HPSE2: variants seen among roughly 807,000 people sequenced by gnomAD.
HPSE2 encodes the protein heparanase 2 (inactive).
In HPSE2, 38 loss-of-function variants were observed where a neutral mutation model predicts 60.5. The observed-to-expected ratio is 0.63, with a 90% CI of 0.48 to 0.82. HPSE2 has a LOEUF of 0.82. Ranked by LOEUF, HPSE2 falls within the 40% of genes least tolerant of loss-of-function variation. The pLI is 0.00. For missense variants in HPSE2, 713 were observed against 740.4 expected, an observed-to-expected ratio of 0.96 and a Z score of 0.43; for synonymous variants, 295 against 293.2, an observed-to-expected ratio of 1.01 and a Z score of -0.06.
intron 5 of HPSE2, among the ~76,000 whole-genome samples, chr10:98,713,335 T>G (rs1406590359): frequency 6.6e-6 from 1 of 152,038 alleles, no homozygotes; most frequent in African/African-American, 2.4e-5. Context: ...TAAATGATTC[T>G]TCTGGCAACT....
intron 2 of HPSE2, among the ~76,000 whole-genome samples, chr10:99,231,128 G>C (rs1849630873): frequency 6.6e-6 from 1 of 152,068 alleles, no homozygotes; most frequent in African/African-American, 2.4e-5. Context: ...CCTTAGCCTT[G>C]CCCTCTTTCT....
At chr10:98,823,425 C>T (rs897926478) in intron 3 of HPSE2, among the ~76,000 whole-genome samples, 1 of 152,112 alleles carries the variant, frequency 6.6e-6, no homozygotes, top group African/African-American at 2.4e-5. Flanking sequence ...TCAAGACCAG[C>T]CTGGGCAATA....
intron 3 of HPSE2, among the ~76,000 whole-genome samples, chr10:99,031,782 C>T (rs1453310961): frequency 2.0e-5 from 3 of 152,096 alleles, no homozygotes; most frequent in Admixed American, 6.5e-5. Context: ...TGTGAAAGTC[C>T]TCAACCACAT....
the HPSE2 span, among the ~76,000 whole-genome samples, chr10:99,262,076 G>A: frequency 6.6e-6 from 1 of 152,140 alleles, no homozygotes; most frequent in Non-Finnish European, 1.5e-5. Flanking sequence ...CACACTGCCC[G>A]ATCGCCTCGG....
chr10:98,962,286 A>G (rs1452613050), intron 3 of HPSE2, among the ~76,000 whole-genome samples: 22 of 130,172 alleles, frequency 1.7e-4, no homozygotes, highest in African/African-American at 6.3e-4. Context: ...GAAGAAAGTC[A>G]TTGGTAGCTT....
rs113099360 is a variant in HPSE2 at position 99,050,852 on chromosome 10, A to G, written c.610+93386T>C. On this transcript the variant is annotated intron_variant, in intron 3 of 11. Coordinates refer to ENST00000370552, the MANE Select transcript of HPSE2 (RefSeq NM_021828.5). ...TTACCAAAGGCTGCAGAGTAGGGAT[A>G]ATAAGGAGATGTTAGTCAAACGGTA... 1.8e-3 allele frequency among the ~76,000 whole-genome samples: 278 copies of G among 152,324 alleles called. 1 individual carries two copies. The highest frequency in any genetic ancestry group is 6.6e-3 in the African/African-American group (274 of 41,572).
chr10:98,560,791 G>A (rs1270915480), intron 9 of HPSE2, among the ~76,000 whole-genome samples: 8 of 152,162 alleles, frequency 5.3e-5, no homozygotes. Flanking sequence ...TGACATCATA[G>A]CCATTGTAAT....
chr10:98,803,142 T>G (rs923552926), intron 3 of HPSE2, among the ~76,000 whole-genome samples: 5 of 151,912 alleles, frequency 3.3e-5, no homozygotes, highest in Non-Finnish European at 7.3e-5. Flanking sequence ...TTTGTTCATG[T>G]CCTTTGCCCA....
At chr10:99,267,445 T>G in the HPSE2 span, among the ~76,000 whole-genome samples, 1 of 151,660 alleles carries the variant, frequency 6.6e-6, no homozygotes, top group Non-Finnish European at 1.5e-5. Flanking sequence ...GAAAAAAAAT[T>G]TTTTTTAAAT....
intron 2 of HPSE2, among the ~76,000 whole-genome samples, chr10:99,166,507 T>G (rs1351037116): frequency 1.3e-5 from 2 of 152,184 alleles, no homozygotes; most frequent in Non-Finnish European, 2.9e-5. Context: ...CTAATACAGT[T>G]ATAGGGGTAT....
rs548098888 is a variant in HPSE2, at chr10:98,917,147, T to C, written c.611-173091A>G. Among the ~76,000 whole-genome samples the C allele has an allele frequency of 8.5e-4, 130 of 152,300 alleles. 1 individual carries two copies. The highest frequency in any genetic ancestry group is 3.0e-3 in the African/African-American group (123 of 41,566). On this transcript the variant is annotated intron_variant, in intron 3 of 11. Coordinates refer to ENST00000370552, the MANE Select transcript of HPSE2 (RefSeq NM_021828.5). ...TCCATCCAAGACTATTTTATCATTG[T>C]CAACTTACATGCAGACCACCCTGAC...
rs1446130785 is a variant in HPSE2, at chr10:99,158,688, T to C, written c.449-14289A>G. Among the ~76,000 whole-genome samples the C allele has an allele frequency of 1.1e-4, 16 of 149,368 alleles. No homozygotes were observed. The East Asian group carries it at 2.2e-3, about 21-fold the overall frequency. On this transcript the variant is annotated intron_variant, in intron 2 of 11. Coordinates refer to ENST00000370552, the MANE Select transcript of HPSE2 (RefSeq NM_021828.5). ...GTGCAGCGCACCAGCATGGCACATGTATACATATGTAACTAACCTGCACAA... is the reference window on the plus strand; with the variant it reads ...GTGCAGCGCACCAGCATGGCACATGCATACATATGTAACTAACCTGCACAA...
At chr10:98,613,912 CGTAGCT>C (rs1392786452) in intron 9 of HPSE2, among the ~76,000 whole-genome samples, 1 of 152,166 alleles carries the variant, frequency 6.6e-6, no homozygotes, top group Non-Finnish European at 1.5e-5. Context: ...TTCTGATAAG[CGTAGCT>C]TTTCTGGTCC....
chr10:98,652,062 C>A (rs768718918), intron 6 of HPSE2, among the ~76,000 whole-genome samples: 1 of 152,034 alleles, frequency 6.6e-6, no homozygotes, highest in South Asian at 2.1e-4. Context: ...TGAGCCACCA[C>A]GCTCGGCCAG....
intron 3 of HPSE2, among the ~76,000 whole-genome samples, chr10:99,011,819 T>C (rs1957024280): frequency 6.6e-6 from 1 of 151,836 alleles, no homozygotes; most frequent in East Asian, 1.9e-4. Context: ...AGTTACTTCT[T>C]TGTACAAATA....
intron 3 of HPSE2, among the ~76,000 whole-genome samples, chr10:99,132,187 AAGAAAGAGAGAGAG>A (rs1845432579): frequency 3.3e-4 from 8 of 24,162 alleles, no homozygotes; most frequent in African/African-American, 6.1e-4. Context: ...GAAAGAAAGA[AAGAAAGAGAGAGAG>A]AGAGAGAGAG....
At chr10:98,696,976 C>G (rs1358746157) in intron 5 of HPSE2, among the ~76,000 whole-genome samples, 1 of 152,052 alleles carries the variant, frequency 6.6e-6, no homozygotes, top group Non-Finnish European at 1.5e-5. Flanking sequence ...AAATGTCCCA[C>G]AAAAACCCCA....
At chr10:98,650,821 A>G (rs1281861008) in intron 6 of HPSE2, among the ~76,000 whole-genome samples, 1 of 152,190 alleles carries the variant, frequency 6.6e-6, no homozygotes, top group African/African-American at 2.4e-5. Context: ...TAGCTACCTT[A>G]GTTTTCACTC....
rs370435897 is a variant in HPSE2, at chr10:98,540,029, C to T, written c.1321-49833G>A. Among the ~76,000 whole-genome samples the T allele has an allele frequency of 1.6e-4, 24 of 152,210 alleles. 1 individual carries two copies. The highest frequency in any genetic ancestry group is 7.9e-4 in the Admixed American group (12 of 15,282). ...GACAGCAGTATTACCTGGGGTAAGC[C>T]ACTTACACATTCTGGGTCTCAATTT... On this transcript the variant is annotated intron_variant, in intron 9 of 11. Transcript: ENST00000370552.
Sources: gnomAD v4.1 joint callset for allele counts (sites outside exome capture counted in the v4.1 genomes callset) on GRCh38, gnomAD v4.1.1 for gene constraint, MANE v1.5 for transcripts, NCBI Gene and HGNC (gene_info 2026-07-23, HGNC 2026-07-21) for gene names.